The following NLK variants were observed in gnomAD, a reference collection of about 807,000 sequenced individuals.
NLK encodes the protein nemo like kinase.
In NLK, 11 loss-of-function variants were observed where a neutral mutation model predicts 59.0. The ratio of observed to expected loss-of-function variants is 0.19; its 90% CI spans 0.12 to 0.31. The LOEUF is 0.31. Among genes scored for constraint, NLK ranks in the 10% least tolerant of loss-of-function variants. The probability of loss-of-function intolerance (pLI) is 1.00; values close to 1 mark genes in which losing one functional copy is unlikely to be tolerated. For missense variants in NLK, 410 were observed against 661.1 expected, an observed-to-expected ratio of 0.62 and a Z score of 4.16; for synonymous variants, 235 against 235.9, an observed-to-expected ratio of 1.00 and a Z score of 0.03.
At chr17:28,146,764 GTTTAC>G (rs1907272984) in intron 3 of NLK, among the ~76,000 whole-genome samples, 1 of 151,888 alleles carries the variant, frequency 6.6e-6, no homozygotes, top group Non-Finnish European at 1.5e-5. Context: ...TATTTTTGAA[GTTTAC>G]TTTATCTTTT....
At chr17:28,136,791 C>T (rs184642778) in intron 3 of NLK, among the ~76,000 whole-genome samples, 1 of 151,942 alleles carries the variant, frequency 6.6e-6, no homozygotes, top group Non-Finnish European at 1.5e-5. Context: ...TTAGTACAGA[C>T]GAGGTTTCAC....
rs575730399 is a variant in NLK, at chr17:28,058,965, A to G, written c.458+15634A>G. Among the ~76,000 whole-genome samples the G allele has an allele frequency of 3.3e-5, 5 of 152,162 alleles. No individual in the cohort carries two copies. In the East Asian group the frequency reaches 7.7e-4, roughly 24 times the overall value. Reference sequence around the variant, plus strand: ...ACATGACAAAACCCCGTCTCTACTGAAAATACAAAAATTAGCTGGACATGG... The same window carrying G: ...ACATGACAAAACCCCGTCTCTACTGGAAATACAAAAATTAGCTGGACATGG... On this transcript the variant is annotated intron_variant, in intron 1 of 10. Transcript: ENST00000407008.
intron 1 of NLK, among the ~76,000 whole-genome samples, chr17:28,104,671 G>A (rs1567714919): frequency 6.6e-6 from 1 of 151,934 alleles, no homozygotes. Flanking sequence ...CTTCTTACTG[G>A]GTGAGATGGA....
intron 1 of NLK, among the ~76,000 whole-genome samples, chr17:28,071,734 G>T (rs187613607): frequency 8.5e-5 from 13 of 152,266 alleles, no homozygotes; most frequent in African/African-American, 2.6e-4. Flanking sequence ...TGTATCCTAC[G>T]TGAAGGCTTC....
chr17:28,181,904 G>A (rs1197413407), intron 7 of NLK, among the ~76,000 whole-genome samples: 1 of 152,204 alleles, frequency 6.6e-6, no homozygotes, highest in Admixed American at 6.5e-5. Context: ...CAACTACCTG[G>A]GAGGCCAAGG....
intron 1 of NLK, among the ~76,000 whole-genome samples, chr17:28,069,437 A>G (rs1022219314): frequency 6.6e-6 from 1 of 152,326 alleles, no homozygotes; most frequent in South Asian, 2.1e-4. Flanking sequence ...GAGTACATAT[A>G]TATTTAACTT....
At chr17:28,168,346 A>T in intron 5 of NLK, 102 bp from the exon 6 acceptor site, 1 of 872,020 alleles carries the variant, frequency 1.1e-6, no homozygotes, top group Admixed American at 2.1e-5. Flanking sequence ...AAAAAAAAAA[A>T]AAAAAGTTTC....
At chr17:28,043,909 G>A (rs34595697) in intron 1 of NLK, among the ~76,000 whole-genome samples, 367 of 152,318 alleles carry the variant, frequency 2.4e-3, no homozygotes, top group African/African-American at 8.2e-3. Flanking sequence ...GTATGTAGCT[G>A]TAGCCTTTTG....
At chr17:28,199,201 G>A (rs991266157), downstream of NLK, among the ~76,000 whole-genome samples, 5 of 152,192 alleles carry the variant, frequency 3.3e-5, no homozygotes, top group African/African-American at 1.2e-4. Context: ...CAAAAATATT[G>A]TAGAAATACT....
chr17:28,109,461 A>G (rs932695055), intron 1 of NLK, among the ~76,000 whole-genome samples: 1 of 152,212 alleles, frequency 6.6e-6, no homozygotes, highest in African/African-American at 2.4e-5. Flanking sequence ...ATGGTGTTAT[A>G]CAACCATCAC....
chr17:28,151,489 G>T (rs1567729014), intron 3 of NLK, among the ~76,000 whole-genome samples: 1 of 152,064 alleles, frequency 6.6e-6, no homozygotes, highest in African/African-American at 2.4e-5. Flanking sequence ...TAAACTAAAG[G>T]TTGACAAAAC....
intron 1 of NLK, among the ~76,000 whole-genome samples, chr17:28,101,766 C>T (rs1290775052): frequency 1.3e-5 from 2 of 152,058 alleles, no homozygotes; most frequent in Non-Finnish European, 2.9e-5. Flanking sequence ...CATTCATATG[C>T]CATTTATTTA....
intron 3 of NLK, among the ~76,000 whole-genome samples, chr17:28,133,303 GA>G (rs1304274997): frequency 6.6e-6 from 1 of 152,196 alleles, no homozygotes; most frequent in Non-Finnish European, 1.5e-5. Context: ...CAAAAGGTAA[GA>G]AAATTGACCA....
At chr17:28,050,594 C>G (rs931236091) in intron 1 of NLK, among the ~76,000 whole-genome samples, 10 of 151,768 alleles carry the variant, frequency 6.6e-5, no homozygotes, top group African/African-American at 2.4e-4. Flanking sequence ...GTAAGAGAGA[C>G]TTCGTCAGAT....
chr17:28,109,210 G>GTGATTCC (rs1302084103), intron 1 of NLK, among the ~76,000 whole-genome samples: 1 of 152,012 alleles, frequency 6.6e-6, no homozygotes, highest in East Asian at 1.9e-4. Context: ...AGATTTCCAG[G>GTGATTCC]TGATTCCTGT....
intron 5 of NLK, among the ~76,000 whole-genome samples, chr17:28,165,832 G>T (rs2142051739): frequency 6.6e-6 from 1 of 152,146 alleles, no homozygotes; most frequent in African/African-American, 2.4e-5. Context: ...ATATAAATAT[G>T]AGAAAAAAAT....
downstream of NLK, among the ~76,000 whole-genome samples, chr17:28,196,796 T>C (rs963554351): frequency 1.6e-4 from 24 of 152,164 alleles, no homozygotes; most frequent in Admixed American, 1.6e-3. Context: ...AGCCCAAAGG[T>C]ACTTTCAGCT....
chr17:28,055,858 G>C (rs1166372069), intron 1 of NLK, among the ~76,000 whole-genome samples: 2 of 152,060 alleles, frequency 1.3e-5, no homozygotes, highest in African/African-American at 4.8e-5. Context: ...ATTTTTTTCT[G>C]ATTAACTCCA....
At chr17:28,043,356 C>A in intron 1 of NLK, 25 bp downstream of exon 1, 1 of 1,498,290 alleles carries the variant, frequency 6.7e-7, no homozygotes, top group Non-Finnish European at 9.0e-7. Flanking sequence ...AAAAACACAA[C>A]CTCTCATGGT....
Sources: allele counts gnomAD v4.1 joint callset (sites outside exome capture counted in the v4.1 genomes callset), GRCh38; gene constraint gnomAD v4.1.1; transcripts MANE v1.5; gene names NCBI Gene and HGNC (gene_info 2026-07-23, HGNC 2026-07-21).